PLPPR5: variants seen among roughly 807,000 people sequenced by gnomAD.
The protein encoded by PLPPR5 is phospholipid phosphatase-related protein type 5.
In PLPPR5, 16 loss-of-function variants were observed where a neutral mutation model predicts 33.9. The ratio of observed to expected loss-of-function variants is 0.47; its 90% confidence interval spans 0.32 to 0.72. PLPPR5 has a LOEUF of 0.72. PLPPR5 is among the 30% of genes least tolerant of loss of function. The pLI, the probability that PLPPR5 is intolerant of heterozygous loss-of-function variation, is 0.03. For missense variants in PLPPR5, 301 were observed against 406.7 expected, an observed-to-expected ratio of 0.74 and a Z score of 2.23; for synonymous variants, 163 against 150.3, an observed-to-expected ratio of 1.08 and a Z score of -0.62.
chr1:99,004,481 G>C lies in PLPPR5; in HGVS notation c.191C>G (p.Pro64Arg). The change falls in exon 1 of 6, where the codon CCC (proline) becomes CGC (arginine). Residue 64 changes from proline to arginine, a missense_variant. Coordinates refer to ENST00000263177, the MANE Select transcript of PLPPR5 (RefSeq NM_001037317.2). ...YPGPEDSSAV[P>R]PVLLYSLAAG... The stretch of plus-strand genomic sequence containing the variant: ...GGCCAGCGAGTAGAGGAGCACGGGG[G>C]GCACGGCGCTGCTGTCCTCCGGGCC... The C allele has an allele frequency of 6.2e-7, 1 of 1,612,502 alleles. No individual in the cohort carries two copies. Among genetic ancestry groups the C allele is most frequent in the African/African-American group, 1.3e-5 (1 of 75,022 alleles).
intron 3 of PLPPR5, among the ~76,000 whole-genome samples, chr1:98,923,733 G>C (rs535777754): frequency 6.6e-6 from 1 of 152,306 alleles, no homozygotes; most frequent in South Asian, 2.1e-4. Flanking sequence ...GTCTAAGACT[G>C]TGCTTGGAAA....
At chr1:98,963,070 T>C (rs1651304921) in intron 1 of PLPPR5, among the ~76,000 whole-genome samples, 1 of 152,220 alleles carries the variant, frequency 6.6e-6, no homozygotes. Context: ...AATTCCTACA[T>C]AGCCTTCAGA....
intron 1 of PLPPR5, among the ~76,000 whole-genome samples, chr1:98,963,541 T>C (rs1156456059): frequency 6.6e-6 from 1 of 152,096 alleles, no homozygotes; most frequent in South Asian, 2.1e-4. Flanking sequence ...GAGAGAGAGA[T>C]TGAACATGCC....
intron 1 of PLPPR5, among the ~76,000 whole-genome samples, chr1:98,978,848 C>T (rs947730068): frequency 6.6e-6 from 1 of 151,932 alleles, no homozygotes; most frequent in Non-Finnish European, 1.5e-5. Flanking sequence ...TTAGTAGAAC[C>T]AAGACTCAAA....
chr1:98,957,004 C>T (rs1651034425), intron 1 of PLPPR5, among the ~76,000 whole-genome samples: 1 of 151,676 alleles, frequency 6.6e-6, no homozygotes, highest in Non-Finnish European at 1.5e-5. Context: ...TACTATGCAG[C>T]CATAAAAAAT....
chr1:98,893,148 A>T (rs750400540), intron 5 of PLPPR5, 44 bp from the exon 6 acceptor site: 26 of 1,584,650 alleles, frequency 1.6e-5, no homozygotes, highest in African/African-American at 2.7e-5. Context: ...GCTTGGGAAC[A>T]TTAGCTTTGT....
At chr1:98,988,918 T>C (rs1652353641) in intron 1 of PLPPR5, among the ~76,000 whole-genome samples, 1 of 152,104 alleles carries the variant, frequency 6.6e-6, no homozygotes, top group African/African-American at 2.4e-5. Flanking sequence ...AGGAATCCTT[T>C]AGTCCACCCA....
At chr1:98,988,647 C>T (rs943760658) in intron 1 of PLPPR5, among the ~76,000 whole-genome samples, 1 of 152,106 alleles carries the variant, frequency 6.6e-6, no homozygotes, top group African/African-American at 2.4e-5. Context: ...GCTCACCAAA[C>T]ACCCAATACC....
Position 98,942,084 on chromosome 1 carries a change from G to GAC in PLPPR5, c.621+10985_621+10986insGT, listed in dbSNP as rs1553168674. Among the ~76,000 whole-genome samples, 2 of 148,606 alleles carry GAC rather than the reference G, an allele frequency of 1.3e-5. 1 individual carries two copies. Among genetic ancestry groups the GAC allele is most frequent in the Non-Finnish European group, 3.0e-5 (2 of 66,272 alleles). ...AGAGAGAGAGAGGAAGAAAGAGAGA[G>GAC]AGAGAGAGAGGAAGTCTCGCTCTGT... On this transcript the variant is annotated intron_variant, in intron 3 of 5. Transcript: ENST00000263177.
At chr1:98,947,945 A>G (rs529560269) in intron 3 of PLPPR5, among the ~76,000 whole-genome samples, 47 of 152,358 alleles carry the variant, frequency 3.1e-4, no homozygotes, top group African/African-American at 1.1e-3. Flanking sequence ...ACGTTTCAGC[A>G]TTACATTACG....
At chr1:98,984,821 C>T (rs1177679852) in intron 1 of PLPPR5, among the ~76,000 whole-genome samples, 1 of 151,480 alleles carries the variant, frequency 6.6e-6, no homozygotes, top group Non-Finnish European at 1.5e-5. Flanking sequence ...TGAGTCCAGG[C>T]AAAGAAAATA....
intron 3 of PLPPR5, among the ~76,000 whole-genome samples, chr1:98,950,860 T>A (rs1004824083): frequency 1.3e-5 from 2 of 151,980 alleles, no homozygotes; most frequent in African/African-American, 4.8e-5. Context: ...AGGTTTTGCT[T>A]ATTTTTTTTT....
At chr1:98,923,440 G>C (rs1649643124) in intron 3 of PLPPR5, among the ~76,000 whole-genome samples, 1 of 152,066 alleles carries the variant, frequency 6.6e-6, no homozygotes, top group African/African-American at 2.4e-5. Flanking sequence ...CTGCCTAAGA[G>C]AGTAAACCAA....
intron 3 of PLPPR5, among the ~76,000 whole-genome samples, chr1:98,944,743 A>G (rs1650494709): frequency 6.6e-6 from 1 of 152,190 alleles, no homozygotes; most frequent in South Asian, 2.1e-4. Context: ...AGCAGCAGGT[A>G]CAGGCTGTGG....
chr1:98,979,759 A>G (rs1328937205), intron 1 of PLPPR5, among the ~76,000 whole-genome samples: 3 of 151,928 alleles, frequency 2.0e-5, no homozygotes, highest in East Asian at 1.9e-4. Context: ...TCTCACCACC[A>G]TGTTCTATAC....
At chr1:98,912,398 G>A (rs1426643845) in intron 5 of PLPPR5, among the ~76,000 whole-genome samples, 1 of 152,168 alleles carries the variant, frequency 6.6e-6, no homozygotes, top group African/African-American at 2.4e-5. Context: ...GGTGAAATCT[G>A]CTCCGTAAGC....
rs1652344017 is a variant in PLPPR5, at chr1:98,988,649, C to T, written c.237+15786G>A. ...GGCCATACTGAGAGCTCACCAAACACCCAATACCATAACCACAGATATTGA... is the reference window on the plus strand; with the variant it reads ...GGCCATACTGAGAGCTCACCAAACATCCAATACCATAACCACAGATATTGA... On this transcript the variant is annotated intron_variant, in intron 1 of 5. Transcript: ENST00000263177. Among the ~76,000 whole-genome samples the T allele has an allele frequency of 2.6e-5, 4 of 152,028 alleles. No individual in the cohort carries two copies. The South Asian group carries it at 8.3e-4, about 32-fold the overall frequency.
At chr1:98,961,300 T>C (rs531311462) in intron 1 of PLPPR5, among the ~76,000 whole-genome samples, 1 of 152,204 alleles carries the variant, frequency 6.6e-6, no homozygotes. Context: ...TAAAGCTTGT[T>C]ATTAGATAAA....
chr1:98,910,599 A>T (rs1649082251), intron 5 of PLPPR5, among the ~76,000 whole-genome samples: 1 of 152,222 alleles, frequency 6.6e-6, no homozygotes, highest in Non-Finnish European at 1.5e-5. Context: ...TAATAAAAAC[A>T]AGCATGATAA....
Sources: gnomAD v4.1 joint callset for allele counts (sites outside exome capture counted in the v4.1 genomes callset) on GRCh38, gnomAD v4.1.1 for gene constraint, MANE v1.5 for transcripts, NCBI Gene and HGNC (gene_info 2026-07-23, HGNC 2026-07-21) for gene names.